The following TPO variants were observed in gnomAD, a reference collection of about 807,000 sequenced individuals.
The protein encoded by TPO is thyroid peroxidase.
In TPO, 78 loss-of-function variants were observed where a neutral mutation model predicts 96.9. The ratio of observed to expected loss-of-function variants is 0.81; its 90% CI spans 0.67 to 0.97. The LOEUF is 0.97. TPO is among the 50% of genes least tolerant of loss of function. The pLI is 0.00. For missense variants in TPO, 1,252 were observed against 1,274.8 expected (o/e 0.98, Z 0.27); for synonymous variants, 547 against 538.0 (o/e 1.02, Z -0.23).
At chr2:1,476,961 T>A in intron 7 of TPO, 125 bp from the exon 8 acceptor site, 1 of 1,275,650 alleles carries the variant, frequency 7.8e-7, no homozygotes, top group Non-Finnish European at 1.1e-6. Context: ...GACTGACCCC[T>A]ACAGAGGACT....
At chr2:1,423,250 T>A in intron 3 of TPO, 121 bp downstream of exon 3, 1 of 853,678 alleles carries the variant, frequency 1.2e-6, no homozygotes, top group Non-Finnish European at 1.9e-6. Context: ...TTGCCATTGT[T>A]AATTTACTTC....
Position 1,484,790 on chromosome 2 carries a change from C to A in TPO, c.1533C>A (p.His511Gln), listed in dbSNP as rs1345012879. Residue 511 changes from histidine (H) to glutamine (Q), a missense_variant, in exon 9 of 17, where the codon CAC becomes CAA. His to Gln is a conservative substitution (Grantham distance 24). Transcript: ENST00000329066. Reference sequence around the variant, plus strand: ...GGCTGGACGCCAGCTTCCAGGAGCACCCCGACCTGCCCGGGCTGTGGCTGC... The same window carrying A: ...GGCTGGACGCCAGCTTCCAGGAGCAACCCGACCTGCCCGGGCTGTGGCTGC... ...VRRLDASFQE[H>Q]PDLPGLWLHQ... 4.3e-6 allele frequency: 7 copies of A among 1,614,094 alleles called. No homozygotes were observed. Among genetic ancestry groups the A allele is most frequent in the Non-Finnish European group, 5.9e-6 (7 of 1,180,040 alleles).
At chr2:1,528,375 C>T (rs1677122190) in intron 15 of TPO, among the ~76,000 whole-genome samples, 1 of 135,076 alleles carries the variant, frequency 7.4e-6, no homozygotes. Context: ...AGCAACCACC[C>T]CAAATCCCGC....
chr2:1,453,961 A>C, intron 6 of TPO, 138 bp downstream of exon 6: 1 of 1,364,498 alleles, frequency 7.3e-7, no homozygotes, highest in Non-Finnish European at 1.0e-6. Context: ...CCTCCCTTTG[A>C]TGTAGCAATC....
At chr2:1,497,722 G>A (rs533365099) in intron 13 of TPO, among the ~76,000 whole-genome samples, 15 of 152,254 alleles carry the variant, frequency 9.9e-5, no homozygotes, top group Admixed American at 5.2e-4. Context: ...TTTTAGGAGA[G>A]GAAAGTTGGC....
intron 1 of TPO, among the ~76,000 whole-genome samples, chr2:1,401,888 G>A (rs979037745): frequency 6.6e-5 from 10 of 152,174 alleles, no homozygotes; most frequent in Non-Finnish European, 1.3e-4. Flanking sequence ...GGGTCCAAGG[G>A]TATAGGTTAG....
At chr2:1,402,918 T>A (rs1662194080) in intron 1 of TPO, among the ~76,000 whole-genome samples, 1 of 152,236 alleles carries the variant, frequency 6.6e-6, no homozygotes, top group Non-Finnish European at 1.5e-5. Flanking sequence ...GGTTCCCATC[T>A]GCATTTCCAC....
chr2:1,392,286 G>A (rs550022117), intron 1 of TPO, among the ~76,000 whole-genome samples: 1 of 152,296 alleles, frequency 6.6e-6, no homozygotes, highest in East Asian at 1.9e-4. Flanking sequence ...CATTGGTTAT[G>A]TTTACGTGAT....
intron 1 of TPO, among the ~76,000 whole-genome samples, chr2:1,388,162 C>A (rs1438098079): frequency 6.6e-6 from 1 of 152,224 alleles, no homozygotes; most frequent in East Asian, 1.9e-4. Flanking sequence ...GGGTTAGGGA[C>A]CCTCTTGAGG....
chr2:1,456,315 T>C (rs758076991), intron 7 of TPO, 33 bp downstream of exon 7: 15 of 1,603,928 alleles, frequency 9.4e-6, no homozygotes, highest in Non-Finnish European at 7.7e-6. Context: ...ATGTTTGTTA[T>C]GAAACTAAGT....
In TPO at chr2:1,405,011, G is replaced by A. The variant is rs374894434; in HGVS notation, n.180+30609G>A. Among the ~76,000 whole-genome samples, 62 of 151,734 alleles carry A rather than the reference G, an allele frequency of 4.1e-4. No individual in the cohort carries two copies. The East Asian group carries it at 0.011, about 26-fold the overall frequency. Reference sequence around the variant, plus strand: ...TCGACCCATTCACACATGTACCCACGCAGCCATCCATTCCTTTATTCACTC... The same window carrying A: ...TCGACCCATTCACACATGTACCCACACAGCCATCCATTCCTTTATTCACTC... On this transcript the variant is annotated intron_variant and non_coding_transcript_variant, in intron 1 of 5. Transcript: ENST00000497517.
In TPO at chr2:1,445,790, C is replaced by T. The variant is rs555600087; in HGVS notation, c.483-7904C>T. ...GTAGGCTCCTTCTTGTTTGTATGAA[C>T]CACTCATTGCTGCAGGAGGTACCAT... On this transcript the variant is annotated intron_variant, in intron 5 of 16. Coordinates refer to ENST00000329066, the MANE Select transcript of TPO (RefSeq NM_001206744.2). 4.7e-4 allele frequency among the ~76,000 whole-genome samples: 10 copies of T among 21,378 alleles called. 1 individual carries two copies. In the East Asian group the frequency reaches 8.6e-3, roughly 18 times the overall value. 14.0% of individuals were successfully genotyped at this position (21,378 alleles called of 152,430 possible).
intron 13 of TPO, among the ~76,000 whole-genome samples, chr2:1,500,829 G>A (rs575090974): frequency 8.5e-5 from 13 of 152,140 alleles, no homozygotes; most frequent in South Asian, 6.2e-4. Flanking sequence ...AAAATTAGCC[G>A]GGCATGGTGG....
chr2:1,534,483 C>T lies in TPO; in HGVS notation c.2619-6111C>T. 2.9e-5 allele frequency among the ~76,000 whole-genome samples: 3 copies of T among 102,316 alleles called. 1 individual carries two copies. Among genetic ancestry groups the T allele is most frequent in the Non-Finnish European group, 6.1e-5 (3 of 49,302 alleles). 67.1% of individuals were successfully genotyped at this position (102,316 alleles called of 152,430 possible). A position where few individuals can be genotyped will look rare whatever the true frequency, so the allele number is the denominator to read the frequency against. On this transcript the variant is annotated intron_variant, in intron 15 of 16. Coordinates refer to ENST00000329066, the MANE Select transcript of TPO (RefSeq NM_001206744.2). The stretch of plus-strand genomic sequence containing the variant: ...AAATCCCTCCCACTCTGTGCAAACT[C>T]CCCAAACCCCCCACGCAGTGTGCAA...
chr2:1,481,834 G>T (rs377291483), intron 8 of TPO, among the ~76,000 whole-genome samples: 35 of 152,176 alleles, frequency 2.3e-4, no homozygotes, highest in African/African-American at 7.7e-4. Context: ...AAAGTCTCCT[G>T]GTCGTTCCTC....
At chr2:1,419,306 T>C (rs185804859) in intron 2 of TPO, among the ~76,000 whole-genome samples, 2 of 152,178 alleles carry the variant, frequency 1.3e-5, no homozygotes, top group African/African-American at 4.8e-5. Flanking sequence ...CTATGGTCCT[T>C]GCATCAGACG....
At chr2:1,493,209 T>TGGGGGGGGGGGGGGGGGG (rs3036079) in intron 10 of TPO, among the ~76,000 whole-genome samples, 1 of 17,490 alleles carries the variant, frequency 5.7e-5, no homozygotes. Flanking sequence ...TGTGAGTGGG[T>TGGGGGGGGGGGGGGGGGG]GGGGGGGGGG....
chr2:1,451,909 A>G (rs1267891913), intron 5 of TPO, among the ~76,000 whole-genome samples: 2 of 152,148 alleles, frequency 1.3e-5, no homozygotes, highest in Non-Finnish European at 1.5e-5. Context: ...CCAAATGTAG[A>G]ATATTTTATA....
At chr2:1,516,678 C>T (rs559480652) in intron 14 of TPO, among the ~76,000 whole-genome samples, 4 of 152,340 alleles carry the variant, frequency 2.6e-5, no homozygotes, top group Non-Finnish European at 4.4e-5. Context: ...CCCCTGCTGG[C>T]TCTCCCCACA....
Sources: allele counts gnomAD v4.1 joint callset (sites outside exome capture counted in the v4.1 genomes callset), GRCh38; gene constraint gnomAD v4.1.1; transcripts MANE v1.5; gene names NCBI Gene and HGNC (gene_info 2026-07-23, HGNC 2026-07-21).